The following NELL1 variants were observed in gnomAD, a reference collection of about 807,000 sequenced individuals.
NELL1 encodes the protein neural EGFL like 1.
Under a neutral mutation model 107.4 loss-of-function variants are expected in NELL1, and 76 were observed. The observed-to-expected ratio is 0.71, with a 90% confidence interval of 0.59 to 0.86. The LOEUF (loss-of-function observed/expected upper bound fraction) is 0.86, where lower values mean the gene tolerates loss of function less well. Ranked by LOEUF, NELL1 falls within the 40% of genes least tolerant of loss-of-function variation. The pLI is 0.00. For synonymous variants in NELL1, 353 were observed against 341.2 expected (o/e 1.03, Z -0.38); for missense variants, 1,024 against 1,005.5 (o/e 1.02, Z -0.25).
At chr11:20,914,206 A>G (rs760979007) in intron 5 of NELL1, among the ~76,000 whole-genome samples, 1 of 152,122 alleles carries the variant, frequency 6.6e-6, no homozygotes, top group Admixed American at 6.6e-5. Flanking sequence ...AAGGTTAAGG[A>G]TGCACCCATG....
At chr11:20,888,498 A>G (rs1438851901) in intron 5 of NELL1, among the ~76,000 whole-genome samples, 3 of 151,708 alleles carry the variant, frequency 2.0e-5, no homozygotes, top group Non-Finnish European at 2.9e-5. Context: ...ATATGCATAT[A>G]TATTTGAAAA....
chr11:21,096,828 A>G (rs1412449983), intron 12 of NELL1, among the ~76,000 whole-genome samples: 2 of 151,972 alleles, frequency 1.3e-5, no homozygotes, highest in Non-Finnish European at 2.9e-5. Flanking sequence ...CTCCCACCTC[A>G]GCCTCCTAGG....
At chr11:20,994,949 G>T (rs1005381741) in intron 12 of NELL1, among the ~76,000 whole-genome samples, 1 of 152,132 alleles carries the variant, frequency 6.6e-6, no homozygotes, top group South Asian at 2.1e-4. Context: ...GTTAGACATG[G>T]ATTTTAGCCA....
At chr11:21,278,712 A>G (rs1376276352) in intron 14 of NELL1, among the ~76,000 whole-genome samples, 1 of 152,178 alleles carries the variant, frequency 6.6e-6, no homozygotes, top group Admixed American at 6.5e-5. Flanking sequence ...GTTCTACCAA[A>G]TTTGATTCAA....
intron 16 of NELL1, among the ~76,000 whole-genome samples, chr11:21,554,310 G>A (rs575129481): frequency 2.6e-5 from 4 of 152,006 alleles, no homozygotes; most frequent in African/African-American, 9.6e-5. Context: ...TTCATGGAGT[G>A]TAAGAAAATT....
chr11:21,195,382 A>G, intron 13 of NELL1, among the ~76,000 whole-genome samples: 1 of 152,096 alleles, frequency 6.6e-6, no homozygotes, highest in Admixed American at 6.6e-5. Context: ...CTATCAGAAA[A>G]TCGGATCTGA....
At chr11:21,513,000 C>G (rs1021231673) in intron 15 of NELL1, among the ~76,000 whole-genome samples, 1 of 152,062 alleles carries the variant, frequency 6.6e-6, no homozygotes, top group Non-Finnish European at 1.5e-5. Context: ...GTTAATGGCA[C>G]CTATTTCCCT....
intron 15 of NELL1, among the ~76,000 whole-genome samples, chr11:21,492,650 A>T (rs1854855522): frequency 6.6e-6 from 1 of 151,050 alleles, no homozygotes; most frequent in South Asian, 2.1e-4. Flanking sequence ...CAAGGACAAA[A>T]AACCAAACAC....
chr11:20,941,637 G>A (rs1850857643), intron 10 of NELL1, among the ~76,000 whole-genome samples: 1 of 152,186 alleles, frequency 6.6e-6, no homozygotes, highest in Non-Finnish European at 1.5e-5. Context: ...AGTGCCTTGT[G>A]CCGAACTGTC....
intron 3 of NELL1, among the ~76,000 whole-genome samples, chr11:20,821,321 G>A (rs747643511): frequency 6.6e-6 from 1 of 152,206 alleles, no homozygotes; most frequent in Non-Finnish European, 1.5e-5. Context: ...ATTTCTGGGA[G>A]AGTTTACCAC....
At chr11:21,104,672 T>A (rs778098618) in intron 12 of NELL1, among the ~76,000 whole-genome samples, 1 of 152,222 alleles carries the variant, frequency 6.6e-6, no homozygotes, top group Non-Finnish European at 1.5e-5. Flanking sequence ...TCAACACATC[T>A]GCTTGACGCA....
intron 15 of NELL1, among the ~76,000 whole-genome samples, chr11:21,441,330 C>CGTGT (rs201892977): frequency 1.3e-3 from 181 of 140,232 alleles, no homozygotes; most frequent in Admixed American, 2.9e-3. Flanking sequence ...GAGGCTGTGA[C>CGTGT]GTGTGTGTGT....
Position 21,341,304 on chromosome 11 carries a change from A to C in NELL1, c.1550-29549A>C, listed in dbSNP as rs549024941. Among the ~76,000 whole-genome samples, 4 of 152,360 alleles carry C rather than the reference A, an allele frequency of 2.6e-5. No homozygotes were observed. In the East Asian group the frequency reaches 5.8e-4, roughly 22 times the overall value. On this transcript the variant is annotated intron_variant, in intron 14 of 19. Transcript: ENST00000357134. ...TTACACCATAAGCCTCCAGAACTACAAAACAAACTATTGACTATGAGAAAT... is the reference window on the plus strand; with the variant it reads ...TTACACCATAAGCCTCCAGAACTACCAAACAAACTATTGACTATGAGAAAT...
chr11:20,864,141 G>T (rs10219289), intron 4 of NELL1, among the ~76,000 whole-genome samples: 20,220 of 151,648 alleles, frequency 0.13, 1,708 homozygotes, highest in African/African-American at 0.23. Flanking sequence ...GAGAGGGAGA[G>T]AATTTTTTTA....
At chr11:20,991,740 G>T (rs1851978777) in intron 12 of NELL1, among the ~76,000 whole-genome samples, 1 of 152,190 alleles carries the variant, frequency 6.6e-6, no homozygotes, top group Admixed American at 6.5e-5. Context: ...TTTTGAACTG[G>T]AACCTGCTCT....
intron 4 of NELL1, among the ~76,000 whole-genome samples, chr11:20,884,506 A>G (rs16906991): frequency 0.13 from 9,230 of 68,522 alleles, 950 homozygotes; most frequent in African/African-American, 0.36. Context: ...CAATGCTGAG[A>G]GGTACTTGCC....
intron 9 of NELL1, among the ~76,000 whole-genome samples, 158 bp from the exon 10 acceptor site, chr11:20,937,628 T>C (rs1850753938): frequency 6.6e-6 from 1 of 152,234 alleles, no homozygotes; most frequent in African/African-American, 2.4e-5. Context: ...TTAAGGGTTA[T>C]CCTCCACACA....
rs562629858 is a variant in NELL1, at chr11:20,719,516, TA to T, written c.184+41458del. Among the ~76,000 whole-genome samples the T allele has an allele frequency of 2.4e-3, 360 of 152,326 alleles. 2 individuals are homozygous for T. Among genetic ancestry groups the T allele is most frequent in the Admixed American group, 4.8e-3 (73 of 15,300 alleles). On this transcript the variant is annotated intron_variant, in intron 2 of 19. Coordinates refer to ENST00000357134, the MANE Select transcript of NELL1 (RefSeq NM_006157.5). ...TTACTTCTAGAAAAAATTTGTGATT[TA>T]ATGGAACAGACATTACAAGGATCCT... is the stretch of plus-strand genomic sequence containing the variant.
chr11:20,744,164 G>A lies in NELL1; in HGVS notation c.185-39516G>A, dbSNP rs183197913. ...GAAAATCACAATAGCCTCCTAACTGGTATCCTGTCCTCCACTTACGCTCCA... is the reference window on the plus strand; with the variant it reads ...GAAAATCACAATAGCCTCCTAACTGATATCCTGTCCTCCACTTACGCTCCA... On this transcript the variant is annotated intron_variant, in intron 2 of 19. Transcript: ENST00000357134. Among the ~76,000 whole-genome samples, 24 of 152,194 alleles carry A rather than the reference G, an allele frequency of 1.6e-4. 1 individual carries two copies. The highest frequency in any genetic ancestry group is 5.8e-4 in the African/African-American group (24 of 41,524).
Sources: allele counts gnomAD v4.1 joint callset (sites outside exome capture counted in the v4.1 genomes callset), GRCh38; gene constraint gnomAD v4.1.1; transcripts MANE v1.5; gene names NCBI Gene and HGNC (gene_info 2026-07-23, HGNC 2026-07-21).